WIPF3: variants seen among roughly 807,000 people sequenced by gnomAD.
WIPF3 encodes the protein WAS/WASL interacting protein family member 3, also known as WAS/WASL-interacting protein family member 3.
Under a neutral mutation model 38.9 loss-of-function variants are expected in WIPF3, and 33 were observed. That is an observed-to-expected ratio of 0.85 (90% CI 0.64 to 1.14). The LOEUF (loss-of-function observed/expected upper bound fraction) is 1.14, where lower values mean the gene tolerates loss of function less well. Ranked by LOEUF, WIPF3 falls within the 50% of genes most tolerant of loss-of-function variation. The probability of loss-of-function intolerance (pLI) is 0.00; values close to 1 mark genes in which losing one functional copy is unlikely to be tolerated. For missense variants in WIPF3, 711 were observed against 652.5 expected (o/e 1.09, Z -0.98); for synonymous variants, 324 against 269.3 (o/e 1.20, Z -1.99).
At chr7:29,900,866 ACT>A (rs1786261653) in intron 7 of WIPF3, among the ~76,000 whole-genome samples, 1 of 152,022 alleles carries the variant, frequency 6.6e-6, no homozygotes, top group Non-Finnish European at 1.5e-5. Context: ...CTGTCTCTCC[ACT>A]CTGATGCCAG....
At chr7:29,857,618 G>A (rs1314088360) in intron 2 of WIPF3, among the ~76,000 whole-genome samples, 1 of 152,056 alleles carries the variant, frequency 6.6e-6, no homozygotes, top group African/African-American at 2.4e-5. Flanking sequence ...GTTGGCCATT[G>A]GTGTTACCTG....
chr7:29,866,340 G>T (rs1358127181), intron 2 of WIPF3, among the ~76,000 whole-genome samples: 2 of 152,186 alleles, frequency 1.3e-5, no homozygotes, highest in Non-Finnish European at 1.5e-5. Context: ...AACAAAGGGA[G>T]GCCAAATGCC....
At chr7:29,818,799 T>G (rs2128062353) in intron 1 of WIPF3, among the ~76,000 whole-genome samples, 1 of 152,222 alleles carries the variant, frequency 6.6e-6, no homozygotes, top group South Asian at 2.1e-4. Flanking sequence ...TGGAATTTGT[T>G]TAGTCTTTCT....
intron 8 of WIPF3, among the ~76,000 whole-genome samples, chr7:29,906,382 C>T (rs1786397809): frequency 6.6e-6 from 1 of 151,906 alleles, no homozygotes; most frequent in African/African-American, 2.4e-5. Flanking sequence ...AAAAATACAA[C>T]AAATGAAATG....
intron 7 of WIPF3, among the ~76,000 whole-genome samples, chr7:29,896,134 C>CTT (rs1214837137): frequency 6.6e-6 from 1 of 152,170 alleles, no homozygotes; most frequent in Non-Finnish European, 1.5e-5. Flanking sequence ...TAGCAAGACT[C>CTT]TGTCTTTACA....
In WIPF3 at chr7:29,897,716, G is replaced by C. The variant is rs1786181742; in HGVS notation, c.1352-6570G>C. ...TTAAAGAATTAGATGTCCCAAGACA[G>C]AGAACAAAACATACTGCCAGTAGGA... is the stretch of plus-strand genomic sequence containing the variant. On this transcript the variant is annotated intron_variant, in intron 7 of 8. Transcript: ENST00000242140. Among the ~76,000 whole-genome samples the C allele has an allele frequency of 2.6e-5, 4 of 152,242 alleles. No individual in the cohort carries two copies. The South Asian group carries it at 8.3e-4, about 31-fold the overall frequency.
At chr7:29,880,569 C>A (rs1367681713) in intron 4 of WIPF3, among the ~76,000 whole-genome samples, 1 of 152,136 alleles carries the variant, frequency 6.6e-6, no homozygotes, top group African/African-American at 2.4e-5. Flanking sequence ...AGGCTTCCAC[C>A]AGTTTCTCTT....
chr7:29,837,755 T>C (rs1562774279), intron 2 of WIPF3, among the ~76,000 whole-genome samples: 1 of 152,194 alleles, frequency 6.6e-6, no homozygotes, highest in Non-Finnish European at 1.5e-5. Flanking sequence ...TACAGATTAC[T>C]ATGGAAATGA....
At chr7:29,887,492 T>A (rs1278405882) in intron 5 of WIPF3, among the ~76,000 whole-genome samples, 1 of 152,110 alleles carries the variant, frequency 6.6e-6, no homozygotes, top group African/African-American at 2.4e-5. Context: ...AGGAAGTAGG[T>A]TGGATTCAAG....
intron 2 of WIPF3, among the ~76,000 whole-genome samples, chr7:29,838,408 A>G (rs1784853137): frequency 6.6e-6 from 1 of 152,188 alleles, no homozygotes; most frequent in Non-Finnish European, 1.5e-5. Context: ...CTAATCATAG[A>G]TATACAGAAA....
At chr7:29,914,396 T>G in intron 8 of WIPF3, 97 bp from the exon 9 acceptor site, 1 of 1,040,134 alleles carries the variant, frequency 9.6e-7, no homozygotes, top group Non-Finnish European at 1.3e-6. Flanking sequence ...AATGAGAAGC[T>G]TCGGGGCCCA....
intron 2 of WIPF3, among the ~76,000 whole-genome samples, chr7:29,855,665 T>A (rs1583604948): frequency 6.6e-6 from 1 of 152,154 alleles, no homozygotes; most frequent in East Asian, 1.9e-4. Flanking sequence ...AGACCCAGGG[T>A]TAGCCTCAGG....
chr7:29,810,092 C>T (rs1445054270), intron 1 of WIPF3, among the ~76,000 whole-genome samples: 1 of 152,164 alleles, frequency 6.6e-6, no homozygotes, highest in Non-Finnish European at 1.5e-5. Flanking sequence ...ATCCACTGTT[C>T]CTTAAGAGCT....
chr7:29,862,987 C>A (rs1177222254), intron 2 of WIPF3, among the ~76,000 whole-genome samples: 2 of 152,194 alleles, frequency 1.3e-5, no homozygotes, highest in East Asian at 1.9e-4. Context: ...TGGTGCCTCT[C>A]CCTTTTGCTA....
At chr7:29,881,136 G>A (rs2391804) in intron 4 of WIPF3, among the ~76,000 whole-genome samples, 65,051 of 151,974 alleles carry the variant, frequency 0.43, 14,823 homozygotes, top group African/African-American at 0.57. Flanking sequence ...CAAAGTGTCC[G>A]TGAGGTCTTC....
At chr7:29,829,696 A>T (rs182431934) in intron 1 of WIPF3, among the ~76,000 whole-genome samples, 2 of 152,356 alleles carry the variant, frequency 1.3e-5, no homozygotes, top group African/African-American at 4.8e-5. Flanking sequence ...CAGTAAGGTA[A>T]AGTGACCTGA....
At chr7:29,882,349 G>T (rs1187855658) in intron 4 of WIPF3, among the ~76,000 whole-genome samples, 1 of 152,138 alleles carries the variant, frequency 6.6e-6, no homozygotes, top group Non-Finnish European at 1.5e-5. Context: ...GGTTCTCCTC[G>T]TCATCTTTTT....
chr7:29,878,616 T>C lies in WIPF3; in HGVS notation c.224-393T>C, dbSNP rs1460529957. On this transcript the variant is annotated intron_variant, in intron 3 of 8. Transcript: ENST00000242140. The surrounding 1 kb of genome is among the most constrained non-coding windows in gnomAD (Gnocchi z 4.0). ...GACTGAATTAAATCTGTGGGTTTTC[T>C]TTGTCTAGTCCTCCATAGCCAAGTT... is the stretch of plus-strand genomic sequence containing the variant. Among the ~76,000 whole-genome samples the C allele has an allele frequency of 1.3e-5, 2 of 152,216 alleles. No homozygotes were observed. The highest frequency in any genetic ancestry group is 2.9e-5 in the Non-Finnish European group (2 of 68,038).
rs185449206 is a variant in WIPF3 at position 29,913,472 on chromosome 7, C to A, written c.1429-1021C>A. Among the ~76,000 whole-genome samples the A allele has an allele frequency of 2.6e-5, 4 of 151,920 alleles. No homozygotes were observed. The East Asian group carries it at 5.8e-4, about 22-fold the overall frequency. ...GACTATGGCTGATTTGTACTTTCTTCTTTTGGCGTTTATGCAATTTCCAAG... is the reference window on the plus strand; with the variant it reads ...GACTATGGCTGATTTGTACTTTCTTATTTTGGCGTTTATGCAATTTCCAAG... On this transcript the variant is annotated intron_variant, in intron 8 of 8. Transcript: ENST00000242140.
Sources: allele counts gnomAD v4.1 joint callset (sites outside exome capture counted in the v4.1 genomes callset), GRCh38; gene constraint gnomAD v4.1.1; non-coding constraint Gnocchi (gnomAD v3.1); transcripts MANE v1.5; gene names NCBI Gene and HGNC (gene_info 2026-07-23, HGNC 2026-07-21).